Variants in TENM3 observed in about 807,000 individuals in gnomAD.
TENM3 encodes teneurin-3.
Under a neutral mutation model 255.1 loss-of-function variants are expected in TENM3, and 63 were observed. That is an observed-to-expected ratio of 0.25 (90% CI 0.20 to 0.30). The LOEUF is 0.30. Ranked by LOEUF, TENM3 falls within the 10% of genes least tolerant of loss-of-function variation. TENM3 has a pLI of 1.00. For synonymous variants in TENM3, 1,306 were observed against 1,322.3 expected, an observed-to-expected ratio of 0.99 and a Z score of 0.27; for missense variants, 2,929 against 3,461.1, an observed-to-expected ratio of 0.85 and a Z score of 3.86.
chr4:181,992,702 T>G, the TENM3 span, among the ~76,000 whole-genome samples: 1 of 152,306 alleles, frequency 6.6e-6, no homozygotes, highest in South Asian at 2.1e-4. Context: ...AGGCAATGGC[T>G]GTTTCAAATG....
chr4:182,026,460 A>T, the TENM3 span, among the ~76,000 whole-genome samples: 11 of 152,150 alleles, frequency 7.2e-5, no homozygotes, highest in Non-Finnish European at 1.3e-4. Flanking sequence ...AAGCTTTTTA[A>T]CTTGATGTGA....
At chr4:181,762,565 C>T in the TENM3 span, among the ~76,000 whole-genome samples, 18 of 152,250 alleles carry the variant, frequency 1.2e-4, no homozygotes, top group African/African-American at 4.1e-4. Flanking sequence ...TTTGGCTCAA[C>T]TAATGAGACT....
Position 182,164,534 on chromosome 4 carries a change from A to G in TENM3, c.-76+19780A>G, listed in dbSNP as rs759438122. On this transcript the variant is annotated intron_variant, in intron 1 of 2. Coordinates refer to the TENM3 transcript ENST00000512480. ...TTCTGTGGAGCTCCTCCTCCAACTC[A>G]TTCTCCACACCTCAAATTGATCTTT... is the stretch of plus-strand genomic sequence containing the variant. Among the ~76,000 whole-genome samples, 69 of 152,278 alleles carry G rather than the reference A, an allele frequency of 4.5e-4. 1 individual carries two copies. Among genetic ancestry groups the G allele is most frequent in the Non-Finnish European group, 9.1e-4 (62 of 68,030 alleles).
At chr4:181,450,927 T>C in the TENM3 span, among the ~76,000 whole-genome samples, 1 of 152,226 alleles carries the variant, frequency 6.6e-6, no homozygotes, top group Non-Finnish European at 1.5e-5. Context: ...TGAAGTTTAA[T>C]GTAAGCAGCA....
At chr4:182,239,226 G>C (rs965100752), upstream of TENM3, among the ~76,000 whole-genome samples, 1 of 151,892 alleles carries the variant, frequency 6.6e-6, no homozygotes, top group African/African-American at 2.4e-5. Flanking sequence ...ACAGGCGCCT[G>C]CCACCATATC....
intron 12 of TENM3, among the ~76,000 whole-genome samples, chr4:182,698,664 A>T (rs565104654): frequency 1.3e-5 from 2 of 152,318 alleles, no homozygotes; most frequent in African/African-American, 4.8e-5. Context: ...AAGTGTGGGG[A>T]TAAACAGCTC....
the TENM3 span, among the ~76,000 whole-genome samples, chr4:181,835,907 A>G: frequency 6.6e-6 from 1 of 152,050 alleles, no homozygotes; most frequent in Non-Finnish European, 1.5e-5. Flanking sequence ...AAGAGGTTCT[A>G]CTTTCAGGAA....
At position 182,793,773 on chromosome 4, in the gene TENM3, T is replaced by G. The variant is rs746310962; in HGVS notation, c.7101T>G (p.Pro2367=). The change falls in exon 26 of 28, where the codon CCT becomes CCG. Residue 2367 remains proline, a synonymous_variant. Transcript: ENST00000511685. The surrounding 1 kb of genome is among the most constrained non-coding windows in gnomAD (Gnocchi z 5.7). ...YDILAGRWTT[P]DIEIWKRIGK... ...TTTTGGCAGGACGGTGGACAACACC[T>G]GACATAGAAATCTGGAAAAGAATTG... The G allele has an allele frequency of 6.2e-7, 1 of 1,613,962 alleles. No individual in the cohort carries two copies. Among genetic ancestry groups the G allele is most frequent in the South Asian group, 1.1e-5 (1 of 91,076 alleles).
the TENM3 span, among the ~76,000 whole-genome samples, chr4:182,068,727 T>A: frequency 3.1e-4 from 47 of 152,092 alleles, no homozygotes; most frequent in Admixed American, 9.8e-4. Flanking sequence ...TACATAAGAA[T>A]GTTGTAAATA....
the TENM3 span, among the ~76,000 whole-genome samples, chr4:181,501,747 A>G: frequency 0.19 from 29,051 of 152,192 alleles, 3,225 homozygotes; most frequent in East Asian, 0.44. Context: ...TTATGAGTTC[A>G]AAGGTGAAAA....
chr4:181,604,994 C>T, the TENM3 span, among the ~76,000 whole-genome samples: 1 of 152,092 alleles, frequency 6.6e-6, no homozygotes, highest in African/African-American at 2.4e-5. Context: ...TAAATGATGG[C>T]CATTATTATT....
At chr4:181,924,417 G>A in the TENM3 span, among the ~76,000 whole-genome samples, 1 of 152,142 alleles carries the variant, frequency 6.6e-6, no homozygotes, top group Non-Finnish European at 1.5e-5. Flanking sequence ...TGTATGCAGG[G>A]TGAAATCTCA....
intron 1 of TENM3, among the ~76,000 whole-genome samples, chr4:182,252,783 T>G (rs1579905055): frequency 6.7e-6 from 1 of 148,650 alleles, no homozygotes; most frequent in East Asian, 2.0e-4. Flanking sequence ...TCAGTGTCCG[T>G]TAAGTGCCAG....
In TENM3 at chr4:182,800,339, C is replaced by A. The variant is rs752922208; in HGVS notation, c.8088C>A (p.Ile2696=). The A allele has an allele frequency of 7.6e-6, 12 of 1,579,756 alleles. No individual in the cohort carries two copies. Among genetic ancestry groups the A allele is most frequent in the Non-Finnish European group, 1.0e-5 (12 of 1,171,712 alleles). Residue 2696 remains isoleucine, a synonymous_variant, in exon 28 of 28, where the codon ATC becomes ATA. Coordinates refer to ENST00000511685, the MANE Select transcript of TENM3 (RefSeq NM_001080477.4). ...NNIQFLRQSE[I]GRR Reference sequence around the variant, plus strand: ...TCCAGTTCCTGCGGCAGAGCGAGATCGGCAGGAGGTAACGCCCGGGCCGCG... The same window carrying A: ...TCCAGTTCCTGCGGCAGAGCGAGATAGGCAGGAGGTAACGCCCGGGCCGCG...
At chr4:182,672,913 TA>T in intron 6 of TENM3, 91 bp from the exon 7 acceptor site, 2 of 947,690 alleles carry the variant, frequency 2.1e-6, no homozygotes, top group Non-Finnish European at 3.1e-6. Flanking sequence ...GAGCATTTGG[TA>T]AAAATAACTT....
intron 3 of TENM3, among the ~76,000 whole-genome samples, chr4:182,509,069 A>G (rs924877994): frequency 6.6e-6 from 1 of 152,220 alleles, no homozygotes; most frequent in African/African-American, 2.4e-5. Context: ...GTTATTTTTA[A>G]CATATTCACT....
At chr4:182,726,093 T>C (rs1760154411) in intron 13 of TENM3, among the ~76,000 whole-genome samples, 1 of 152,224 alleles carries the variant, frequency 6.6e-6, no homozygotes, top group Non-Finnish European at 1.5e-5. Flanking sequence ...TCAGAAATCC[T>C]GACCCACACA....
At chr4:182,700,979 C>T (rs1757809637) in intron 12 of TENM3, among the ~76,000 whole-genome samples, 1 of 151,854 alleles carries the variant, frequency 6.6e-6, no homozygotes, top group Non-Finnish European at 1.5e-5. Context: ...TAGAGCTCGC[C>T]TGCAGCTCCA....
At chr4:181,995,658 A>G in the TENM3 span, among the ~76,000 whole-genome samples, 1 of 152,284 alleles carries the variant, frequency 6.6e-6, no homozygotes, top group African/African-American at 2.4e-5. Flanking sequence ...TGTGGCGCCC[A>G]TATATGTGTG....
Sources: gnomAD v4.1 joint callset for allele counts (sites outside exome capture counted in the v4.1 genomes callset) on GRCh38, gnomAD v4.1.1 for gene constraint, Gnocchi (gnomAD v3.1) non-coding constraint, MANE v1.5 for transcripts, NCBI Gene and HGNC (gene_info 2026-07-23, HGNC 2026-07-21) for gene names.